SMC3: variants seen among roughly 807,000 people sequenced by gnomAD.
SMC3 encodes structural maintenance of chromosomes 3.
A neutral mutation model predicts 171.8 loss-of-function variants in SMC3; 20 were observed. That is an observed-to-expected ratio of 0.12 (90% CI 0.08 to 0.17). The LOEUF is 0.17. SMC3 is among the 10% of genes least tolerant of loss of function. The pLI is 1.00. For synonymous variants in SMC3, 464 were observed against 451.1 expected (o/e 1.03, Z -0.36); for missense variants, 543 against 1,420.4 (o/e 0.38, Z 9.93).
rs566803530 is a variant in SMC3 at position 110,591,757 on chromosome 10, TA to T, written c.1812+628del. The stretch of plus-strand genomic sequence containing the variant: ...CAACTGTTTTACCATCCTCTGAAGT[TA>T]AAGCTGAAACCCCATGAGAATGATC... On this transcript the variant is annotated intron_variant, in intron 17 of 28. Coordinates refer to ENST00000361804, the MANE Select transcript of SMC3 (RefSeq NM_005445.4). Among the ~76,000 whole-genome samples the T allele has an allele frequency of 1.1e-4, 17 of 152,332 alleles. 1 individual carries two copies. In the South Asian group the frequency reaches 3.5e-3, roughly 32 times the overall value.
chr10:110,584,607 G>C (rs1861081004), intron 13 of SMC3, among the ~76,000 whole-genome samples: 2 of 152,098 alleles, frequency 1.3e-5, no homozygotes, highest in Admixed American at 1.3e-4. Context: ...TGTAGATTAA[G>C]TATATTAAAA....
rs555351678 is a variant in SMC3 at position 110,569,482 on chromosome 10, G to A, written c.91+469G>A. The stretch of plus-strand genomic sequence containing the variant: ...GAATGGGGTTCAAATCCCAGTTATA[G>A]GGGGGTGGGGGCCTGGGGGAGGGAT... On this transcript the variant is annotated intron_variant, in intron 2 of 28. Transcript: ENST00000361804. 2.6e-5 allele frequency among the ~76,000 whole-genome samples: 4 copies of A among 152,260 alleles called. No homozygotes were observed. In the East Asian group the frequency reaches 7.7e-4, roughly 29 times the overall value.
chr10:110,592,963 A>G, intron 17 of SMC3, 110 bp from the exon 18 acceptor site: 1 of 936,274 alleles, frequency 1.1e-6, no homozygotes, highest in South Asian at 1.4e-5. Context: ...TCGTTTTGAA[A>G]TATAATGGTG....
intron 2 of SMC3, among the ~76,000 whole-genome samples, chr10:110,572,702 A>G (rs1199499811): frequency 6.6e-6 from 1 of 152,050 alleles, no homozygotes; most frequent in East Asian, 1.9e-4. Context: ...TCCTTTTCAA[A>G]CTTTGTGCCT....
At chr10:110,570,999 T>C (rs1304443376) in intron 2 of SMC3, among the ~76,000 whole-genome samples, 1 of 152,258 alleles carries the variant, frequency 6.6e-6, no homozygotes, top group Non-Finnish European at 1.5e-5. Context: ...AAATATCTCT[T>C]GTACTGATGT....
At chr10:110,582,471 T>C (rs1861046892) in intron 9 of SMC3, 91 bp from the exon 10 acceptor site, 2 of 929,708 alleles carry the variant, frequency 2.2e-6, no homozygotes, top group South Asian at 3.2e-5. Context: ...TTACTTTTGG[T>C]TTATTTTAAT....
At chr10:110,583,796 T>C (rs1386904931) in intron 11 of SMC3, 45 bp from the exon 12 acceptor site, 2 of 1,604,432 alleles carry the variant, frequency 1.2e-6, no homozygotes, top group Non-Finnish European at 1.7e-6. Context: ...AGACCTAAAT[T>C]ATGCAAAAAA....
intron 13 of SMC3, among the ~76,000 whole-genome samples, chr10:110,586,481 A>G (rs191547316): frequency 3.9e-5 from 6 of 152,296 alleles, no homozygotes; most frequent in Admixed American, 2.6e-4. Context: ...TATGAAACCA[A>G]CCTCAGCAGA....
intron 22 of SMC3, 115 bp downstream of exon 22, chr10:110,600,661 A>AC (rs1294341916): frequency 1.4e-6 from 1 of 710,750 alleles, no homozygotes; most frequent in African/African-American, 1.8e-5. Context: ...CAGAAAGCTT[A>AC]GTGTCTTGTG....
At chr10:110,598,061 A>G in intron 19 of SMC3, 78 bp from the exon 20 acceptor site, 5 of 1,304,210 alleles carry the variant, frequency 3.8e-6, no homozygotes, top group Non-Finnish European at 5.5e-6. Flanking sequence ...GAAGGGATAC[A>G]TGGTGTTGTG....
intron 4 of SMC3, among the ~76,000 whole-genome samples, chr10:110,575,804 T>C (rs1236480132): frequency 6.6e-6 from 1 of 152,228 alleles, no homozygotes; most frequent in Non-Finnish European, 1.5e-5. Context: ...ATGTCCTCCA[T>C]GTACATTTCT....
intron 13 of SMC3, among the ~76,000 whole-genome samples, chr10:110,585,342 T>C (rs1344909995): frequency 1.3e-5 from 2 of 148,722 alleles, no homozygotes. Context: ...CAGTCTGGAG[T>C]GCAGTGGCAT....
intron 13 of SMC3, among the ~76,000 whole-genome samples, chr10:110,589,116 G>A (rs189840101): frequency 7.0e-4 from 107 of 152,218 alleles, no homozygotes; most frequent in African/African-American, 2.3e-3. Context: ...GGGGCCGGGC[G>A]CAGTGTCTCA....
At chr10:110,598,101 T>A (rs760864681) in intron 19 of SMC3, 38 bp from the exon 20 acceptor site, 2 of 1,591,738 alleles carry the variant, frequency 1.3e-6, no homozygotes, top group Admixed American at 3.3e-5. Context: ...ATACGATATA[T>A]TTACAACCTG....
At chr10:110,585,290 A>ATTT (rs111694406) in intron 13 of SMC3, among the ~76,000 whole-genome samples, 4,684 of 123,626 alleles carry the variant, frequency 0.038, 123 homozygotes, top group Admixed American at 0.056. Context: ...GATAGTAACA[A>ATTT]TTTTTTTTTT....
rs995398065 is a variant in SMC3 at position 110,605,019 on chromosome 10, T to G, written c.*717T>G. On this transcript the variant is annotated 3_prime_UTR_variant, in exon 29 of 29. Coordinates refer to ENST00000361804, the MANE Select transcript of SMC3 (RefSeq NM_005445.4). ...TTTATCATATCTTGACAATTTTGAA[T>G]AATATTCACATATTTTGTAGAATGT... Among the ~76,000 whole-genome samples, 1 of 152,244 alleles carries G rather than the reference T, an allele frequency of 6.6e-6. No individual in the cohort carries two copies. Among genetic ancestry groups the G allele is most frequent in the Non-Finnish European group, 1.5e-5 (1 of 68,030 alleles).
intron 6 of SMC3, among the ~76,000 whole-genome samples, chr10:110,578,281 C>G (rs576328082): frequency 2.0e-5 from 3 of 152,210 alleles, no homozygotes; most frequent in Admixed American, 1.3e-4. Context: ...ACCATGTTGG[C>G]AGGCTGGTCT....
At chr10:110,593,637 T>C (rs528300140) in intron 18 of SMC3, among the ~76,000 whole-genome samples, 3 of 152,232 alleles carry the variant, frequency 2.0e-5, no homozygotes, top group African/African-American at 7.2e-5. Context: ...CTGATTAATA[T>C]ATCTTACAGT....
At chr10:110,603,154 A>G (rs1196779981) in intron 27 of SMC3, 30 bp from the exon 28 acceptor site, 1 of 1,569,348 alleles carries the variant, frequency 6.4e-7, no homozygotes. Context: ...CTGAAAAGAA[A>G]TTTGTTAAAG....
Sources: gnomAD v4.1 joint callset for allele counts (sites outside exome capture counted in the v4.1 genomes callset) on GRCh38, gnomAD v4.1.1 for gene constraint, MANE v1.5 for transcripts, NCBI Gene and HGNC (gene_info 2026-07-23, HGNC 2026-07-21) for gene names.